Variants in CCDC149 observed in about 807,000 individuals in gnomAD.
CCDC149 encodes coiled-coil domain-containing protein 149.
Under a neutral mutation model 59.9 loss-of-function variants are expected in CCDC149, and 45 were observed. That is an observed-to-expected ratio of 0.75 (90% CI 0.59 to 0.96). CCDC149 has a LOEUF of 0.96. Among genes scored for constraint, CCDC149 ranks in the 40% least tolerant of loss-of-function variants. The pLI is 0.00. For synonymous variants in CCDC149, 245 were observed against 260.6 expected, an observed-to-expected ratio of 0.94 and a Z score of 0.58; for missense variants, 584 against 664.7, an observed-to-expected ratio of 0.88 and a Z score of 1.33.
intron 4 of CCDC149, among the ~76,000 whole-genome samples, chr4:24,846,993 C>T (rs1717328528): frequency 6.6e-6 from 1 of 152,170 alleles, no homozygotes. Flanking sequence ...GTGCTTATTC[C>T]ACAAGGAGCA....
chr4:24,954,380 T>G (rs530002744), intron 1 of CCDC149, among the ~76,000 whole-genome samples: 24 of 152,346 alleles, frequency 1.6e-4, no homozygotes, highest in African/African-American at 5.5e-4. Context: ...CTATGTTTTG[T>G]GCTAGTGAGG....
chr4:24,969,220 T>A (rs539615050), intron 1 of CCDC149, among the ~76,000 whole-genome samples: 1 of 152,334 alleles, frequency 6.6e-6, no homozygotes, highest in East Asian at 1.9e-4. Context: ...GTGAGTGCCC[T>A]TGACCAGGTG....
chr4:24,854,717 G>A (rs1227957015), intron 3 of CCDC149, among the ~76,000 whole-genome samples: 9 of 152,160 alleles, frequency 5.9e-5, no homozygotes, highest in Non-Finnish European at 1.0e-4. Context: ...CTGACCTCCC[G>A]TATCCCATTT....
chr4:24,811,347 T>C (rs1714588337), intron 12 of CCDC149, among the ~76,000 whole-genome samples: 1 of 152,100 alleles, frequency 6.6e-6, no homozygotes, highest in African/African-American at 2.4e-5. Flanking sequence ...TCCTTCAGTC[T>C]ATCCTGCGTC....
intron 3 of CCDC149, among the ~76,000 whole-genome samples, chr4:24,856,254 T>C (rs887488320): frequency 6.6e-6 from 1 of 152,222 alleles, no homozygotes; most frequent in Admixed American, 6.5e-5. Flanking sequence ...ATTGGGCACC[T>C]GGCATCTGCC....
chr4:24,887,854 C>T (rs578078944), intron 1 of CCDC149, among the ~76,000 whole-genome samples: 2 of 152,278 alleles, frequency 1.3e-5, no homozygotes, highest in African/African-American at 4.8e-5. Flanking sequence ...AAACAGGAGC[C>T]TTTCAGCATC....
intron 12 of CCDC149, among the ~76,000 whole-genome samples, chr4:24,818,569 C>T (rs117788293): frequency 9.2e-5 from 14 of 152,264 alleles, no homozygotes; most frequent in East Asian, 5.8e-4. Context: ...TCTCATGAGG[C>T]GCCCATGAAA....
chr4:24,867,040 A>C (rs1231903267), intron 3 of CCDC149, among the ~76,000 whole-genome samples: 1 of 152,290 alleles, frequency 6.6e-6, no homozygotes, highest in East Asian at 1.9e-4. Flanking sequence ...TCGAATATAG[A>C]ACAAAAAGCC....
intron 4 of CCDC149, among the ~76,000 whole-genome samples, chr4:24,847,386 C>T (rs1560215557): frequency 6.6e-6 from 1 of 152,128 alleles, no homozygotes; most frequent in Non-Finnish European, 1.5e-5. Context: ...ATCTCATTGT[C>T]CTGTTCTCTT....
At chr4:24,828,042 A>T (rs1256565591) in intron 9 of CCDC149, 1 of 152,180 alleles carries the variant, frequency 6.6e-6, no homozygotes, top group African/African-American at 2.4e-5. Context: ...GTCACATTCT[A>T]TTCTCAGCCC....
At chr4:24,848,814 C>A (rs1424165068) in intron 4 of CCDC149, among the ~76,000 whole-genome samples, 1 of 152,160 alleles carries the variant, frequency 6.6e-6, no homozygotes, top group Admixed American at 6.5e-5. Context: ...AGTTTTGCTG[C>A]CGCACCTCAA....
At chr4:24,979,516 C>T (rs1211540376) in intron 1 of CCDC149, among the ~76,000 whole-genome samples, 1 of 152,204 alleles carries the variant, frequency 6.6e-6, no homozygotes, top group Admixed American at 6.5e-5. Flanking sequence ...TTGTCATTAC[C>T]TGCCCCTATA....
rs143972409 is a variant in CCDC149, at chr4:24,859,577, G to A, written c.265-6398C>T. ...ACTTTCACCACTTCTATTTAACATA[G>A]TACTGGAAGTCCTAGCAAGAGCAAT... On this transcript the variant is annotated intron_variant, in intron 3 of 12. Transcript: ENST00000635206. Among the ~76,000 whole-genome samples, 25 of 152,230 alleles carry A rather than the reference G, an allele frequency of 1.6e-4. No homozygotes were observed. In the East Asian group the frequency reaches 4.8e-3, roughly 29 times the overall value.
intron 1 of CCDC149, among the ~76,000 whole-genome samples, chr4:24,878,816 C>T (rs1318819832): frequency 6.6e-6 from 1 of 152,226 alleles, no homozygotes; most frequent in Non-Finnish European, 1.5e-5. Context: ...GTAAGGGCCG[C>T]TGCTGACTGT....
intron 12 of CCDC149, among the ~76,000 whole-genome samples, chr4:24,813,529 A>ATATATATATATAT (rs1560197755): frequency 3.6e-5 from 4 of 110,444 alleles, no homozygotes; most frequent in Non-Finnish European, 5.4e-5. Flanking sequence ...TATATATATA[A>ATATATATATATAT]AACCTAAAAA....
chr4:24,896,404 T>C (rs1377870262), intron 1 of CCDC149, among the ~76,000 whole-genome samples: 1 of 152,224 alleles, frequency 6.6e-6, no homozygotes, highest in African/African-American at 2.4e-5. Flanking sequence ...TTATCATTAT[T>C]TTTCTTAATG....
At chr4:24,839,049 CACACACACACACAG>C (rs1342400381) in intron 4 of CCDC149, among the ~76,000 whole-genome samples, 9 of 141,024 alleles carry the variant, frequency 6.4e-5, no homozygotes, top group African/African-American at 7.6e-5. Context: ...CACACACACA[CACACACACACACAG>C]AGAGAGAGAG....
intron 1 of CCDC149, among the ~76,000 whole-genome samples, chr4:24,877,705 C>T (rs1719550493): frequency 6.6e-6 from 1 of 152,072 alleles, no homozygotes; most frequent in Admixed American, 6.5e-5. Flanking sequence ...GTATTTTAGC[C>T]ACATTTTGAA....
intron 1 of CCDC149, among the ~76,000 whole-genome samples, chr4:24,897,080 G>A (rs547166349): frequency 2.7e-4 from 41 of 152,224 alleles, no homozygotes; most frequent in African/African-American, 9.6e-4. Flanking sequence ...AACCCATGGC[G>A]GCCAGGGAGA....
Sources: allele counts gnomAD v4.1 joint callset (sites outside exome capture counted in the v4.1 genomes callset), GRCh38; gene constraint gnomAD v4.1.1; transcripts MANE v1.5; gene names NCBI Gene and HGNC (gene_info 2026-07-23, HGNC 2026-07-21).